The following GNB4 variants were observed in gnomAD, a reference collection of about 807,000 sequenced individuals.
GNB4 encodes G protein subunit beta 4.
A neutral mutation model predicts 45.2 loss-of-function variants in GNB4; 28 were observed. The observed-to-expected ratio is 0.62, with a 90% CI of 0.46 to 0.85. GNB4 has a LOEUF of 0.85. GNB4 is among the 40% of genes least tolerant of loss of function. The probability of loss-of-function intolerance (pLI) is 0.00; values close to 1 mark genes in which losing one functional copy is unlikely to be tolerated. For synonymous variants in GNB4, 132 were observed against 143.7 expected (o/e 0.92, Z 0.58); for missense variants, 321 against 425.4 (o/e 0.75, Z 2.16).
At chr3:179,421,233 A>G (rs541103019) in intron 2 of GNB4, among the ~76,000 whole-genome samples, 1 of 152,294 alleles carries the variant, frequency 6.6e-6, no homozygotes, top group African/African-American at 2.4e-5. Flanking sequence ...AGCCCTTAAC[A>G]GTCACTAATT....
chr3:179,454,297 T>G (rs1468752750), upstream of GNB4, among the ~76,000 whole-genome samples: 2 of 152,196 alleles, frequency 1.3e-5, no homozygotes, highest in Non-Finnish European at 2.9e-5. Context: ...TCTTTGTGTC[T>G]GCCATAGTGT....
intron 9 of GNB4, among the ~76,000 whole-genome samples, chr3:179,403,351 T>TA (rs369992220): frequency 6.7e-5 from 10 of 148,834 alleles, no homozygotes; most frequent in Admixed American, 1.3e-4. Flanking sequence ...AGAAGAAACT[T>TA]AAAAAAAAAA....
chr3:179,451,860 C>T (rs1182383724), upstream of GNB4, among the ~76,000 whole-genome samples: 2 of 152,108 alleles, frequency 1.3e-5, no homozygotes, highest in Non-Finnish European at 2.9e-5. Context: ...CTAGAAGACC[C>T]CAAAGGCCCC....
the GNB4 span, among the ~76,000 whole-genome samples, chr3:179,518,468 A>G: frequency 2.0e-5 from 3 of 151,262 alleles, no homozygotes; most frequent in Non-Finnish European, 4.4e-5. Flanking sequence ...TCTTCTTTTG[A>G]ATCTTCCTTT....
chr3:179,512,897 T>A, the GNB4 span, among the ~76,000 whole-genome samples: 1 of 152,200 alleles, frequency 6.6e-6, no homozygotes, highest in Non-Finnish European at 1.5e-5. Context: ...AGATTTTACC[T>A]TCTTTTTTTC....
At chr3:179,495,475 TGAAA>T in the GNB4 span, among the ~76,000 whole-genome samples, 1 of 135,286 alleles carries the variant, frequency 7.4e-6, no homozygotes. Flanking sequence ...GACCCCATCA[TGAAA>T]GAAAGAAGTA....
rs1479264295 is a variant in GNB4 at position 179,420,903 on chromosome 3, C to T, written c.82G>A (p.Ala28Thr). 1.9e-6 allele frequency: 3 copies of T among 1,590,696 alleles called. No homozygotes were observed. The highest frequency in any genetic ancestry group is 3.4e-5 in the Admixed American group (2 of 58,376). Reference protein sequence around the residue: ...IQDARKACNDATLVQITSNMD... With the variant: ...IQDARKACNDTTLVQITSNMD... ...CAAAACTTTACCTGAACAAGCGTTG[C>T]ATCATTACATGCTTTCCGAGCATCC... The change falls in exon 3 of 10, where the codon GCA becomes ACA. Residue 28 changes from alanine (A) to threonine (T), a missense_variant. Transcript: ENST00000232564.
the GNB4 span, among the ~76,000 whole-genome samples, chr3:179,483,921 T>A: frequency 3.3e-5 from 5 of 152,196 alleles, no homozygotes; most frequent in Non-Finnish European, 5.9e-5. Context: ...ATAGTTTAAA[T>A]AATTTTGAAT....
At chr3:179,521,977 A>C in the GNB4 span, among the ~76,000 whole-genome samples, 1 of 152,182 alleles carries the variant, frequency 6.6e-6, no homozygotes, top group Admixed American at 6.5e-5. Context: ...AGCCCTGAGA[A>C]ACATCGCCCA....
intron 8 of GNB4, among the ~76,000 whole-genome samples, chr3:179,408,824 AAAAG>A (rs1714556053): frequency 6.6e-6 from 1 of 150,982 alleles, no homozygotes; most frequent in African/African-American, 2.4e-5. Flanking sequence ...CTCAAAAAAA[AAAAG>A]AAACTCATAG....
upstream of GNB4, among the ~76,000 whole-genome samples, chr3:179,455,879 C>T (rs1261991090): frequency 6.6e-6 from 1 of 152,176 alleles, no homozygotes; most frequent in East Asian, 1.9e-4. Flanking sequence ...GCTGGAAGAT[C>T]AGCCAGGTGT....
intron 3 of GNB4, among the ~76,000 whole-genome samples, chr3:179,419,985 TCTTA>T (rs1168183663): frequency 1.3e-5 from 2 of 152,040 alleles, no homozygotes; most frequent in East Asian, 3.9e-4. Flanking sequence ...TCTTGACCCC[TCTTA>T]CTATCTCATT....
the GNB4 span, among the ~76,000 whole-genome samples, chr3:179,488,783 G>C: frequency 6.6e-6 from 1 of 151,218 alleles, no homozygotes; most frequent in Non-Finnish European, 1.5e-5. Flanking sequence ...AGGAGTTCGA[G>C]ACCAGCCTGG....
the GNB4 span, among the ~76,000 whole-genome samples, chr3:179,486,136 T>C: frequency 2.0e-5 from 3 of 148,376 alleles, no homozygotes; most frequent in Admixed American, 1.4e-4. Flanking sequence ...GGCAGAGAAC[T>C]GCTTGACGTG....
the GNB4 span, among the ~76,000 whole-genome samples, chr3:179,504,787 C>T: frequency 6.6e-6 from 1 of 152,128 alleles, no homozygotes; most frequent in Non-Finnish European, 1.5e-5. Context: ...AGTAGGTGGC[C>T]TGTGTGAGCT....
rs1284053004 is a variant in GNB4 at position 179,397,348 on chromosome 3, C to T, written c.*3865G>A. On this transcript the variant is annotated 3_prime_UTR_variant, in exon 10 of 10. Transcript: ENST00000232564. ...AGGAGCTAGTTATACAATATTGGCACAGCATTTTTAAGCAATAATAAAAGT... is the reference window on the plus strand; with the variant it reads ...AGGAGCTAGTTATACAATATTGGCATAGCATTTTTAAGCAATAATAAAAGT... The T allele has an allele frequency of 6.6e-6, 1 of 152,192 alleles. No homozygotes were observed. Among genetic ancestry groups the T allele is most frequent in the Non-Finnish European group, 1.5e-5 (1 of 68,034 alleles). The allele number at this position is 152,192 out of a possible 1,614,324, so 9.4% of individuals were successfully genotyped here.
chr3:179,400,629 T>C lies in GNB4; in HGVS notation c.*584A>G, dbSNP rs1714265296. 1 of 152,246 alleles carries C rather than the reference T, an allele frequency of 6.6e-6. No homozygotes were observed. The highest frequency in any genetic ancestry group is 2.4e-5 in the African/African-American group (1 of 41,454). 9.4% of individuals were successfully genotyped at this position (152,246 alleles called of 1,614,324 possible). ...GACTGAAAGCAAGCACTTTGATTAA[T>C]AGTATATGGCAAATGATGCATGAGA... On this transcript the variant is annotated 3_prime_UTR_variant, in exon 10 of 10. Coordinates refer to ENST00000232564, the MANE Select transcript of GNB4 (RefSeq NM_021629.4).
At chr3:179,435,988 C>T (rs1393383758) in intron 1 of GNB4, among the ~76,000 whole-genome samples, 1 of 152,200 alleles carries the variant, frequency 6.6e-6, no homozygotes, top group Non-Finnish European at 1.5e-5. Context: ...TTAGTGAACA[C>T]ATTTTAATCT....
chr3:179,434,127 G>A (rs1209401326), intron 1 of GNB4, among the ~76,000 whole-genome samples: 1 of 152,140 alleles, frequency 6.6e-6, no homozygotes, highest in Non-Finnish European at 1.5e-5. Flanking sequence ...GGATATATAA[G>A]CCCTAAGGAA....
Sources: gnomAD v4.1 joint callset for allele counts (sites outside exome capture counted in the v4.1 genomes callset) on GRCh38, gnomAD v4.1.1 for gene constraint, MANE v1.5 for transcripts, NCBI Gene and HGNC (gene_info 2026-07-23, HGNC 2026-07-21) for gene names.